The following ADAMTSL1 variants were observed in gnomAD, a reference collection of about 807,000 sequenced individuals.
ADAMTSL1 encodes the protein ADAMTS like 1.
A neutral mutation model predicts 201.8 loss-of-function variants in ADAMTSL1; 126 were observed. That is an observed-to-expected ratio of 0.62 (90% CI 0.54 to 0.72). The LOEUF is 0.72. ADAMTSL1 is among the 30% of genes least tolerant of loss of function. ADAMTSL1 has a pLI of 0.00. For synonymous variants in ADAMTSL1, 1,121 were observed against 903.4 expected (o/e 1.24, Z -4.32); for missense variants, 2,679 against 2,277.8 (o/e 1.18, Z -3.59).
At chr9:18,286,173 C>G (rs1276513116) in intron 2 of ADAMTSL1, among the ~76,000 whole-genome samples, 1 of 152,200 alleles carries the variant, frequency 6.6e-6, no homozygotes. Context: ...TTCTAGCAAA[C>G]ACTTTTCCAT....
chr9:18,505,381 G>C (rs764640806), intron 2 of ADAMTSL1, among the ~76,000 whole-genome samples: 15 of 152,186 alleles, frequency 9.9e-5, no homozygotes, highest in Non-Finnish European at 2.2e-4. Flanking sequence ...TAACATATTG[G>C]TTTATTTTTG....
intron 15 of ADAMTSL1, chr9:18,723,054 T>C (rs1006685030): frequency 1.3e-6 from 1 of 779,770 alleles, no homozygotes; most frequent in African/African-American, 1.7e-5. Flanking sequence ...CCTGCAACGT[T>C]CTTTGTTAGG....
intron 1 of ADAMTSL1, among the ~76,000 whole-genome samples, chr9:18,025,685 T>G (rs1195916097): frequency 6.6e-6 from 1 of 152,162 alleles, no homozygotes; most frequent in East Asian, 1.9e-4. Context: ...TCATGTAATG[T>G]GATGCCTCTA....
chr9:18,431,075 C>A (rs1416266948), intron 2 of ADAMTSL1, among the ~76,000 whole-genome samples: 1 of 152,188 alleles, frequency 6.6e-6, no homozygotes, highest in African/African-American at 2.4e-5. Flanking sequence ...ACAATGGTTA[C>A]ATGCCCTCTA....
chr9:18,141,652 C>A (rs1587143465), intron 1 of ADAMTSL1, among the ~76,000 whole-genome samples: 1 of 152,122 alleles, frequency 6.6e-6, no homozygotes, highest in South Asian at 2.1e-4. Context: ...GTGGCAGCCC[C>A]TCTCTCACTG....
intron 16 of ADAMTSL1, among the ~76,000 whole-genome samples, chr9:18,754,543 T>C (rs1819635727): frequency 1.3e-5 from 2 of 152,172 alleles, no homozygotes; most frequent in Admixed American, 1.3e-4. Flanking sequence ...ATAAAGGATA[T>C]AGTCATCAGT....
chr9:18,030,799 A>G (rs544432651), intron 1 of ADAMTSL1, among the ~76,000 whole-genome samples: 20 of 152,220 alleles, frequency 1.3e-4, no homozygotes, highest in South Asian at 4.1e-4. Context: ...AGGAATGCCA[A>G]TGAATCATAG....
intron 26 of ADAMTSL1, 60 bp downstream of exon 26, chr9:18,892,656 A>G: frequency 6.6e-7 from 1 of 1,515,026 alleles, no homozygotes. Context: ...ACCCTGCCAC[A>G]GTAGGAAGTG....
chr9:18,670,487 C>G (rs1489124108), intron 9 of ADAMTSL1, among the ~76,000 whole-genome samples: 1 of 152,224 alleles, frequency 6.6e-6, no homozygotes, highest in Non-Finnish European at 1.5e-5. Context: ...AGACCACTCT[C>G]CATATCAGAC....
chr9:18,867,429 G>T (rs1247112977), intron 23 of ADAMTSL1, among the ~76,000 whole-genome samples: 2 of 152,172 alleles, frequency 1.3e-5, no homozygotes, highest in Non-Finnish European at 2.9e-5. Context: ...CATTCCTGAT[G>T]ATTTAAACAG....
intron 6 of ADAMTSL1, among the ~76,000 whole-genome samples, chr9:18,638,979 C>T (rs1365065824): frequency 6.6e-6 from 1 of 151,934 alleles, no homozygotes; most frequent in Non-Finnish European, 1.5e-5. Flanking sequence ...AGCGGGATGC[C>T]CAAATAACAT....
intron 2 of ADAMTSL1, among the ~76,000 whole-genome samples, chr9:18,418,564 G>A (rs867947758): frequency 6.6e-6 from 1 of 152,070 alleles, no homozygotes; most frequent in South Asian, 2.1e-4. Flanking sequence ...ATTTCAATTG[G>A]TAAATGAAAT....
At chr9:18,229,323 C>G (rs777822827) in intron 2 of ADAMTSL1, among the ~76,000 whole-genome samples, 2 of 151,990 alleles carry the variant, frequency 1.3e-5, no homozygotes, top group Non-Finnish European at 2.9e-5. Flanking sequence ...TAGGACGTTT[C>G]TGGTAGAGAT....
intron 13 of ADAMTSL1, among the ~76,000 whole-genome samples, chr9:18,696,229 T>C (rs1395231934): frequency 6.6e-6 from 1 of 152,174 alleles, no homozygotes; most frequent in Non-Finnish European, 1.5e-5. Context: ...AAGGGACATA[T>C]ATACTGAGAC....
chr9:18,480,752 T>A (rs535609115), intron 1 of ADAMTSL1, among the ~76,000 whole-genome samples: 1 of 152,352 alleles, frequency 6.6e-6, no homozygotes, highest in African/African-American at 2.4e-5. Context: ...AATGGTGGTT[T>A]GATCTTTGCG....
rs369885546 is a variant in ADAMTSL1 at position 18,385,059 on chromosome 9, G to A, written c.208-119770G>A. Among the ~76,000 whole-genome samples, 7 of 152,240 alleles carry A rather than the reference G, an allele frequency of 4.6e-5. No homozygotes were observed. The East Asian group carries it at 7.7e-4, about 17-fold the overall frequency. The stretch of plus-strand genomic sequence containing the variant: ...CCCTGGGGATGCAGACATAAATACT[G>A]TGCTTCCTTCCCTCCCAGAGCACAC... On this transcript the variant is annotated intron_variant, in intron 2 of 29. Coordinates refer to the ADAMTSL1 transcript ENST00000680146.
At chr9:18,085,119 G>A (rs1161418745) in intron 1 of ADAMTSL1, among the ~76,000 whole-genome samples, 1 of 152,118 alleles carries the variant, frequency 6.6e-6, no homozygotes, top group Admixed American at 6.6e-5. Context: ...GACTGGAGTG[G>A]ACTGAACATG....
At chr9:18,281,704 T>C (rs1832796514) in intron 2 of ADAMTSL1, among the ~76,000 whole-genome samples, 1 of 152,210 alleles carries the variant, frequency 6.6e-6, no homozygotes, top group Middle Eastern at 3.2e-3. Flanking sequence ...GGGACCATTG[T>C]TTGTGTCCAT....
intron 7 of ADAMTSL1, among the ~76,000 whole-genome samples, chr9:18,641,834 T>C (rs1184201036): frequency 6.6e-6 from 1 of 151,996 alleles, no homozygotes; most frequent in African/African-American, 2.4e-5. Context: ...TTTATAATTA[T>C]ATATATCATA....
Sources: allele counts gnomAD v4.1 joint callset (sites outside exome capture counted in the v4.1 genomes callset), GRCh38; gene constraint gnomAD v4.1.1; transcripts MANE v1.5; gene names NCBI Gene and HGNC (gene_info 2026-07-23, HGNC 2026-07-21).